RAB38: variants seen among roughly 807,000 people sequenced by gnomAD.
RAB38 encodes the protein RAB38, member RAS oncogene family, also known as ras-related protein Rab-38.
A neutral mutation model predicts 18.4 loss-of-function variants in RAB38; 15 were observed. That is an observed-to-expected ratio of 0.82 (90% confidence interval 0.55 to 1.26). The LOEUF is 1.26. Among genes scored for constraint, RAB38 ranks in the 50% most tolerant of loss-of-function variants. RAB38 has a pLI of 0.00. For missense variants in RAB38, 294 were observed against 267.4 expected, an observed-to-expected ratio of 1.10 and a Z score of -0.69; for synonymous variants, 101 against 104.4, an observed-to-expected ratio of 0.97 and a Z score of 0.20.
the RAB38 span, among the ~76,000 whole-genome samples, chr11:88,052,671 A>T: frequency 6.6e-6 from 1 of 151,694 alleles, no homozygotes; most frequent in Non-Finnish European, 1.5e-5. Context: ...TCAATGCTAC[A>T]TTAATGACTA....
the RAB38 span, among the ~76,000 whole-genome samples, chr11:87,912,035 C>G: frequency 6.6e-6 from 1 of 151,888 alleles, no homozygotes; most frequent in South Asian, 2.1e-4. Flanking sequence ...TATTAAAACC[C>G]ACCTCACATT....
chr11:87,948,046 T>C, the RAB38 span, among the ~76,000 whole-genome samples: 1 of 152,214 alleles, frequency 6.6e-6, no homozygotes, highest in Non-Finnish European at 1.5e-5. Context: ...GTTCTTCCAT[T>C]TGTTTGTATC....
the RAB38 span, among the ~76,000 whole-genome samples, chr11:87,976,574 AATATAT>A: frequency 1.7e-5 from 2 of 120,202 alleles, no homozygotes; most frequent in Admixed American, 1.9e-4. Context: ...CTATACAATA[AATATAT>A]ATATTTTATA....
chr11:88,041,749 AG>A, the RAB38 span, among the ~76,000 whole-genome samples: 1 of 152,162 alleles, frequency 6.6e-6, no homozygotes, highest in Admixed American at 6.5e-5. Context: ...CACCTAGATA[AG>A]GGGAAAATAT....
chr11:88,131,990 G>A (rs1206310098), intron 2 of RAB38, among the ~76,000 whole-genome samples: 1 of 152,178 alleles, frequency 6.6e-6, no homozygotes, highest in Non-Finnish European at 1.5e-5. Flanking sequence ...AGAAACCTCA[G>A]TCCTACAACC....
At chr11:87,933,917 C>G in the RAB38 span, among the ~76,000 whole-genome samples, 1 of 152,036 alleles carries the variant, frequency 6.6e-6, no homozygotes, top group Admixed American at 6.6e-5. Flanking sequence ...AGAGAAAAAC[C>G]TGGAACATGG....
chr11:88,034,338 G>A, the RAB38 span, among the ~76,000 whole-genome samples: 1 of 152,216 alleles, frequency 6.6e-6, no homozygotes, highest in African/African-American at 2.4e-5. Context: ...TTTTGTGTGA[G>A]CATAAGCTTT....
At chr11:87,811,661 T>C in the RAB38 span, among the ~76,000 whole-genome samples, 3 of 152,178 alleles carry the variant, frequency 2.0e-5, no homozygotes, top group African/African-American at 7.2e-5. Context: ...CTCTTCATAA[T>C]TGTTCCCTCA....
chr11:88,078,205 A>G, the RAB38 span, among the ~76,000 whole-genome samples: 2 of 152,054 alleles, frequency 1.3e-5, no homozygotes, highest in African/African-American at 2.4e-5. Flanking sequence ...ACCCTCATAC[A>G]TCGTTGGTGG....
At chr11:87,900,458 A>G in the RAB38 span, among the ~76,000 whole-genome samples, 1 of 151,692 alleles carries the variant, frequency 6.6e-6, no homozygotes, top group Non-Finnish European at 1.5e-5. Flanking sequence ...CAAAAAGCAG[A>G]TGCAACAAAT....
At chr11:88,008,822 T>C in the RAB38 span, among the ~76,000 whole-genome samples, 17 of 152,148 alleles carry the variant, frequency 1.1e-4, no homozygotes, top group Non-Finnish European at 2.4e-4. Context: ...TACAGGCACC[T>C]GCCACCACGC....
chr11:87,870,151 G>T, the RAB38 span, among the ~76,000 whole-genome samples: 1 of 151,592 alleles, frequency 6.6e-6, no homozygotes, highest in African/African-American at 2.4e-5. Context: ...TAAATACTTA[G>T]TTGGGACTGA....
chr11:87,952,066 G>C, the RAB38 span, among the ~76,000 whole-genome samples: 56,162 of 151,848 alleles, frequency 0.37, 10,971 homozygotes, highest in East Asian at 0.53. Context: ...AGTGAAATAC[G>C]TGGGTAGAGG....
the RAB38 span, among the ~76,000 whole-genome samples, chr11:88,006,914 G>A: frequency 6.6e-6 from 1 of 151,286 alleles, no homozygotes; most frequent in Non-Finnish European, 1.5e-5. Context: ...AATTAGATAC[G>A]AAAAATAAGT....
At chr11:87,956,983 T>TA in the RAB38 span, among the ~76,000 whole-genome samples, 1 of 149,080 alleles carries the variant, frequency 6.7e-6, no homozygotes, top group Non-Finnish European at 1.5e-5. Flanking sequence ...TGCAGTTTTT[T>TA]GGGGGGGGGT....
chr11:87,940,577 T>C, the RAB38 span, among the ~76,000 whole-genome samples: 1 of 151,958 alleles, frequency 6.6e-6, no homozygotes, highest in African/African-American at 2.4e-5. Flanking sequence ...CACACAGAAA[T>C]AGATATATGT....
chr11:87,849,316 C>A, the RAB38 span, among the ~76,000 whole-genome samples: 1 of 152,078 alleles, frequency 6.6e-6, no homozygotes, highest in Admixed American at 6.6e-5. Context: ...AGTCACCTTC[C>A]CTCATCCTTC....
chr11:87,939,138 A>T, the RAB38 span, among the ~76,000 whole-genome samples: 2 of 151,602 alleles, frequency 1.3e-5, no homozygotes, highest in African/African-American at 2.4e-5. Flanking sequence ...TCTTTCAGGA[A>T]CTCCCCCATT....
intron 1 of RAB38, among the ~76,000 whole-genome samples, chr11:88,154,901 C>T (rs551374329): frequency 6.6e-6 from 1 of 152,332 alleles, no homozygotes; most frequent in Admixed American, 6.5e-5. Flanking sequence ...ATTAGAAGCA[C>T]CACCTCACCT....
Sources: allele counts gnomAD v4.1 joint callset (sites outside exome capture counted in the v4.1 genomes callset), GRCh38; gene constraint gnomAD v4.1.1; transcripts MANE v1.5; gene names NCBI Gene and HGNC (gene_info 2026-07-23, HGNC 2026-07-21).